FANCA: variants seen among roughly 807,000 people sequenced by gnomAD.
The protein encoded by FANCA is Fanconi anemia group A protein.
A neutral mutation model predicts 194.3 loss-of-function variants in FANCA; 236 were observed. The ratio of observed to expected loss-of-function variants is 1.21; its 90% CI spans 1.09 to 1.35. The LOEUF (loss-of-function observed/expected upper bound fraction) is 1.35. FANCA is among the 40% of genes most tolerant of loss of function. FANCA has a pLI of 0.00. For missense variants in FANCA, 2,628 were observed against 1,813.9 expected (o/e 1.45, Z -8.15); for synonymous variants, 1,014 against 715.8 (o/e 1.42, Z -6.65).
intron 28 of FANCA, chr16:89,762,640 T>C (rs1057150041): frequency 1.0e-5 from 3 of 292,072 alleles, no homozygotes; most frequent in South Asian, 2.7e-5. Flanking sequence ...TAGCATACCT[T>C]CATTTATTTT....
At chr16:89,797,162 A>G (rs2040276286) in intron 10 of FANCA, among the ~76,000 whole-genome samples, 1 of 151,912 alleles carries the variant, frequency 6.6e-6, no homozygotes, top group South Asian at 2.1e-4. Flanking sequence ...TCTGTCTCAA[A>G]AAAAGAAAAA....
In FANCA at chr16:89,791,021, GTGTT is replaced by G. The variant is rs1380828479; in HGVS notation, c.1359+378_1359+381del. 1.8e-3 allele frequency: 407 copies of G among 222,700 alleles called. 3 individuals are homozygous for G. Among genetic ancestry groups the G allele is most frequent in the African/African-American group, 0.014 (391 of 28,130 alleles). 13.8% of individuals were successfully genotyped at this position (222,700 alleles called of 1,614,324 possible). On this transcript the variant is annotated intron_variant, in intron 14 of 42. Coordinates refer to ENST00000389301, the MANE Select transcript of FANCA (RefSeq NM_000135.4). ...GTTTTTGTTTTGTGTGTGTGTGTGTGTGTTTTTTTTTTTTTTTTTTTTTTTTTGG... is the reference window on the plus strand; with the variant it reads ...GTTTTTGTTTTGTGTGTGTGTGTGTGTTTTTTTTTTTTTTTTTTTTTTTGG...
At chr16:89,812,382 C>A (rs1039681040) in intron 3 of FANCA, among the ~76,000 whole-genome samples, 2 of 151,434 alleles carry the variant, frequency 1.3e-5, no homozygotes, top group African/African-American at 2.4e-5. Flanking sequence ...CTCAGTGGGT[C>A]CCTCCTGTAA....
At chr16:89,792,335 G>A (rs528818629) in intron 12 of FANCA, 136 bp downstream of exon 12, 4 of 1,006,792 alleles carry the variant, frequency 4.0e-6, no homozygotes, top group Non-Finnish European at 4.7e-6. Context: ...TGGCCTTGAT[G>A]AGGACAGCCA....
intron 2 of FANCA, among the ~76,000 whole-genome samples, chr16:89,815,662 T>TTTG (rs757795156): frequency 1.3e-5 from 2 of 151,996 alleles, no homozygotes; most frequent in African/African-American, 4.8e-5. Flanking sequence ...GGCCTGTTTT[T>TTTG]TTGTTGTTGT....
At chr16:89,787,250 G>A (rs1003942750) in intron 14 of FANCA, among the ~76,000 whole-genome samples, 2 of 152,196 alleles carry the variant, frequency 1.3e-5, no homozygotes, top group Admixed American at 6.6e-5. Flanking sequence ...ACGGCCGGGC[G>A]CGGTGGCTAG....
In FANCA at chr16:89,749,373, T is replaced by C. The variant is rs8043882; in HGVS notation, c.3239+357A>G. Among the ~76,000 whole-genome samples the C allele has an allele frequency of 0.55, 83,138 of 151,840 alleles. 25,372 individuals carry two copies. Among genetic ancestry groups the C allele is most frequent in the East Asian group, 0.98 (5,060 of 5,154 alleles). On this transcript the variant is annotated intron_variant, in intron 32 of 42. Transcript: ENST00000389301. ...GATTACAGGTGCCCGCCACCACACC[T>C]AGCTAAATTTTTTTGTATTTTTTTT... is the stretch of plus-strand genomic sequence containing the variant.
intron 5 of FANCA, 37 bp downstream of exon 5, chr16:89,810,670 G>C: frequency 3.0e-6 from 4 of 1,328,582 alleles, no homozygotes; most frequent in East Asian, 2.3e-5. Context: ...ACATTGCCTG[G>C]AACACTGGAG....
Position 89,739,521 on chromosome 16 carries a change from C to G in FANCA, c.3967G>C (p.Ala1323Pro). The change falls in exon 40 of 43, where the codon GCC becomes CCC. Residue 1323 changes from alanine (A) to proline (P), a missense_variant. Transcript: ENST00000389301. ...AGCAGCCTGGTGTGCTGATCCGGGG[C>G]CACACGGAGGAGGAGCCGCCCCAGC... is the stretch of plus-strand genomic sequence containing the variant. ...LRLGRLLLRV[A>P]PDQHTRLLPF... 1 of 1,551,362 alleles carries G rather than the reference C, an allele frequency of 6.4e-7. No homozygotes were observed. Among genetic ancestry groups the G allele is most frequent in the Non-Finnish European group, 8.7e-7 (1 of 1,147,112 alleles).
At chr16:89,775,880 C>T (rs1281367037) in intron 20 of FANCA, 65 bp from the exon 21 acceptor site, 1 of 982,374 alleles carries the variant, frequency 1.0e-6, no homozygotes, top group Non-Finnish European at 1.6e-6. Context: ...GATTACAATC[C>T]CCAAATCTAT....
intron 6 of FANCA, among the ~76,000 whole-genome samples, chr16:89,806,809 T>C (rs950552901): frequency 1.3e-5 from 2 of 152,206 alleles, no homozygotes; most frequent in African/African-American, 2.4e-5. Context: ...CTTCCCCCCT[T>C]TGTATTCCAT....
intron 31 of FANCA, among the ~76,000 whole-genome samples, chr16:89,750,426 T>A (rs558055720): frequency 2.7e-5 from 4 of 150,414 alleles, no homozygotes; most frequent in African/African-American, 9.8e-5. Flanking sequence ...GAGCTTGCAG[T>A]GAGCCCAGAT....
In FANCA at chr16:89,738,213, A is replaced by G. The variant is rs746878858; in HGVS notation, c.*388T>C. 9.9e-6 allele frequency: 16 copies of G among 1,610,324 alleles called. No homozygotes were observed. The highest frequency in any genetic ancestry group is 1.7e-5 in the Admixed American group (1 of 59,488). On this transcript the variant is annotated 3_prime_UTR_variant, in exon 43 of 43. Transcript: ENST00000389301. Reference sequence around the variant, plus strand: ...GGCCACCGAGCCCCTCTGTGACCACAGAGGGCCAGGCGGTGAAGCCCGAAC... The same window carrying G: ...GGCCACCGAGCCCCTCTGTGACCACGGAGGGCCAGGCGGTGAAGCCCGAAC...
chr16:89,749,410 A>T (rs2038503547), intron 32 of FANCA, among the ~76,000 whole-genome samples: 1 of 152,170 alleles, frequency 6.6e-6, no homozygotes, highest in Admixed American at 6.5e-5. Flanking sequence ...TATTTTTAGT[A>T]GACATGGCGT....
At chr16:89,771,946 G>A (rs2039341629) in intron 22 of FANCA, 132 bp from the exon 23 acceptor site, 2 of 1,068,514 alleles carry the variant, frequency 1.9e-6, no homozygotes, top group East Asian at 2.5e-5. Flanking sequence ...CCCCAGCCAG[G>A]TGCTGAACAC....
rs769459548 is a variant in FANCA, at chr16:89,740,866, G to C, written c.3766C>G (p.Leu1256Val). ...LKKLDCEREE[L>V]LVFLFFFSLM... ...GAGAAGAAGAAAAGGAAAACCAATA[G>C]CTGTAAATAAAAACGTGCACTTATT... Residue 1256 changes from leucine (L) to valine (V), a missense_variant and splice_region_variant, in exon 38 of 43, where the codon CTA becomes GTA. Coordinates refer to ENST00000389301, the MANE Select transcript of FANCA (RefSeq NM_000135.4). The C allele has an allele frequency of 1.2e-6, 2 of 1,611,800 alleles. No homozygotes were observed. Among genetic ancestry groups the C allele is most frequent in the Non-Finnish European group, 1.7e-6 (2 of 1,178,636 alleles).
intron 14 of FANCA, among the ~76,000 whole-genome samples, chr16:89,790,297 G>C (rs1040449442): frequency 6.6e-6 from 1 of 151,994 alleles, no homozygotes; most frequent in African/African-American, 2.4e-5. Flanking sequence ...GGGAGGCGGA[G>C]GCAGGAGAAT....
rs1467900630 is a variant in FANCA, at chr16:89,796,014, C to T, written c.898G>A (p.Gly300Arg). ...CCAAGCGTGTGTCCACTGAACACTC[C>T]GAACCTGCCAATGCAGCAGAAAGAG... is the stretch of plus-strand genomic sequence containing the variant. The part of the protein sequence containing the change: ...STHKIVRCWF[G>R]VFSGHTLGSV... The change falls in exon 11 of 43, where the codon GGA becomes AGA. Residue 300 changes from glycine to arginine, a missense_variant. Coordinates refer to ENST00000389301, the MANE Select transcript of FANCA (RefSeq NM_000135.4). The T allele has an allele frequency of 1.9e-6, 3 of 1,613,454 alleles. No individual in the cohort carries two copies. The highest frequency in any genetic ancestry group is 2.5e-6 in the Non-Finnish European group (3 of 1,179,422).
chr16:89,813,744 T>G (rs2040993612), intron 3 of FANCA, among the ~76,000 whole-genome samples: 1 of 152,110 alleles, frequency 6.6e-6, no homozygotes, highest in Non-Finnish European at 1.5e-5. Flanking sequence ...ACAATGCCAA[T>G]TTCTAGTCAT....
Sources: allele counts gnomAD v4.1 joint callset (sites outside exome capture counted in the v4.1 genomes callset), GRCh38; gene constraint gnomAD v4.1.1; transcripts MANE v1.5; gene names NCBI Gene and HGNC (gene_info 2026-07-23, HGNC 2026-07-21).